The following LY6H variants were observed in gnomAD, a reference collection of about 807,000 sequenced individuals.
The protein encoded by LY6H is lymphocyte antigen 6H.
LY6H carries 8 observed loss-of-function variants against 14.6 expected under a neutral mutation model. The ratio of observed to expected loss-of-function variants is 0.55; its 90% CI spans 0.32 to 0.99. The LOEUF (loss-of-function observed/expected upper bound fraction) is 0.99, where lower values mean the gene tolerates loss of function less well. Among genes scored for constraint, LY6H ranks in the 50% least tolerant of loss-of-function variants. The pLI, the probability that LY6H is intolerant of heterozygous loss-of-function variation, is 0.04. For synonymous variants in LY6H, 115 were observed against 97.2 expected, an observed-to-expected ratio of 1.18 and a Z score of -1.08; for missense variants, 196 against 219.6, an observed-to-expected ratio of 0.89 and a Z score of 0.68.
At position 143,158,089 on chromosome 8, in the gene LY6H, A is replaced by G. The variant is rs1815491036; in HGVS notation, c.*161T>C. On this transcript the variant is annotated 3_prime_UTR_variant, in exon 4 of 4. Coordinates refer to ENST00000342752, the MANE Select transcript of LY6H (RefSeq NM_001135655.2). ...GCTGCCTGGGACTCAGAGCTGGCGG[A>G]GAGACAGGGAGGCTTCACGTCGGGG... 2 of 587,492 alleles carry G rather than the reference A, an allele frequency of 3.4e-6. No individual in the cohort carries two copies. The highest frequency in any genetic ancestry group is 6.0e-6 in the Non-Finnish European group (2 of 332,028). 36.4% of individuals were successfully genotyped at this position (587,492 alleles called of 1,614,324 possible).
chr8:143,158,979 C>T lies in LY6H; in HGVS notation c.131-57G>A, dbSNP rs1191521977. 3 of 1,572,348 alleles carry T rather than the reference C, an allele frequency of 1.9e-6. No homozygotes were observed. In the Admixed American group the frequency reaches 5.5e-5, roughly 29 times the overall value. ...AGGCACTGGGGTCCAAACCAGGCAG[C>T]CCCCTGCGCCCCCCACCCATCCCCC... On this transcript the variant is annotated intron_variant, in intron 2 of 3. Transcript: ENST00000342752.
chr8:143,159,670 G>A lies in LY6H; in HGVS notation c.42C>T (p.Ala14=), dbSNP rs1815548860. The change falls in exon 2 of 4, where the codon GCC becomes GCT. Residue 14 remains alanine, a synonymous_variant. Transcript: ENST00000342752. The part of the protein sequence containing the change: ...PQRTRAPSPR[A]APRPTRSMLP... ...GCATGCTCCGGGTGGGCCTGGGGGC[G>A]GCGCGGGGGCTTGGGGCGCGGGTCC... 7.1e-7 allele frequency: 1 copy of A among 1,400,516 alleles called. No homozygotes were observed. Among genetic ancestry groups the A allele is most frequent in the Non-Finnish European group, 9.2e-7 (1 of 1,088,556 alleles). The allele number at this position is 1,400,516 out of a possible 1,614,324, so 86.8% of individuals were successfully genotyped here. A position where few individuals can be genotyped will look rare whatever the true frequency, so the allele number is the denominator to read the frequency against.
At chr8:143,159,248 C>T (rs1815532784) in intron 2 of LY6H, 1 of 556,800 alleles carries the variant, frequency 1.8e-6, no homozygotes, top group East Asian at 3.0e-5. Context: ...TCACATATCC[C>T]CCCCAGAGGT....
Position 143,158,845 on chromosome 8 carries a change from C to G in LY6H, c.208G>C (p.Asp70His). 6 of 1,608,068 alleles carry G rather than the reference C, an allele frequency of 3.7e-6. No homozygotes were observed. The highest frequency in any genetic ancestry group is 5.1e-6 in the Non-Finnish European group (6 of 1,175,708). Residue 70 changes from aspartate (D) to histidine (H), a missense_variant, in exon 3 of 4, where the codon GAC becomes CAC. Transcript: ENST00000342752. ...ATTCGGACACTGGCACACACCGTGT[C>G]GGACGGCTGGCACTGCTTTGGGGTG... ...HCTPKQCQPS[D>H]TVCASVRITD... is the part of the protein sequence containing the mutation.
At chr8:143,159,891 T>A in intron 1 of LY6H, 182 bp from the exon 2 acceptor site, 2 of 1,147,350 alleles carry the variant, frequency 1.7e-6, no homozygotes, top group Non-Finnish European at 2.2e-6. Context: ...GTCTGGCCTC[T>A]GGGGCGAGGT....
At chr8:143,158,762 G>A in intron 3 of LY6H, 41 bp downstream of exon 3, 1 of 1,553,932 alleles carries the variant, frequency 6.4e-7, no homozygotes, top group South Asian at 1.2e-5. Context: ...TCAAGAGCCT[G>A]GCTTTTAGCA....
In LY6H at chr8:143,158,909, C is replaced by T; in HGVS notation, c.144G>A (p.Trp48Ter). Residue 48 changes from tryptophan to a stop codon, truncating the protein, a stop_gained, in exon 3 of 4, where the codon TGG becomes TGA. Transcript: ENST00000342752. LOFTEE classifies it high-confidence loss of function. ...TGGTGGTCAGGGTGCAGTCCTGGCA[C>T]CACAGGCCATGAGCTGGGCAGGGCA... ...LLCSAPAHGLWCQDCTLTTNS... is the reference protein window; with the variant it reads ...LLCSAPAHGL The T allele has an allele frequency of 6.2e-7, 1 of 1,613,820 alleles. No homozygotes were observed. Among genetic ancestry groups the T allele is most frequent in the Non-Finnish European group, 8.5e-7 (1 of 1,179,980 alleles).
chr8:143,160,388 G>A (rs1352888185), upstream of LY6H: 3 of 187,870 alleles, frequency 1.6e-5, no homozygotes, highest in African/African-American at 7.2e-5. Flanking sequence ...GGGCGGCTGG[G>A]AGACGCGCGG....
intron 2 of LY6H, 125 bp from the exon 3 acceptor site, chr8:143,159,047 G>T: frequency 2.2e-6 from 3 of 1,351,946 alleles, no homozygotes; most frequent in Non-Finnish European, 2.0e-6. Flanking sequence ...ACGGGAGGGA[G>T]CAGGCCCCCA....
rs1321288027 is a variant in LY6H at position 143,159,565 on chromosome 8, G to A, written c.130+17C>T. 2.7e-6 allele frequency: 4 copies of A among 1,494,420 alleles called. No homozygotes were observed. Among genetic ancestry groups the A allele is most frequent in the African/African-American group, 2.9e-5 (2 of 68,442 alleles). The allele number at this position is 1,494,420 out of a possible 1,614,324, so 92.6% of individuals were successfully genotyped here. On this transcript the variant is annotated intron_variant, in intron 2 of 3. Coordinates refer to ENST00000342752, the MANE Select transcript of LY6H (RefSeq NM_001135655.2). ...CTCTCCCAGGCACCTGACCCAGCCC[G>A]CGGGCCCCCTACTCACCGGGCGCCG...
chr8:143,158,544 C>T (rs952552827), intron 3 of LY6H, 59 bp from the exon 4 acceptor site: 4 of 1,465,128 alleles, frequency 2.7e-6, no homozygotes, highest in East Asian at 4.5e-5. Flanking sequence ...TCTGCCTCAT[C>T]CCGAGGACCC....
chr8:143,159,456 A>C, intron 2 of LY6H, 126 bp downstream of exon 2: 1 of 1,154,562 alleles, frequency 8.7e-7, no homozygotes, highest in South Asian at 1.8e-5. Context: ...GGGGTCCCGG[A>C]GGGGGCGTGG....
At chr8:143,159,480 T>G (rs1815539501) in intron 2 of LY6H, 102 bp downstream of exon 2, 1 of 1,327,106 alleles carries the variant, frequency 7.5e-7, no homozygotes, top group Admixed American at 3.3e-5. Flanking sequence ...CTATGCGAAG[T>G]GCGGTGGGAA....
chr8:143,160,241 C>T lies in LY6H; in HGVS notation c.-42G>A, dbSNP rs377102879. 7.8e-7 allele frequency: 1 copy of T among 1,278,150 alleles called. No individual in the cohort carries two copies. Among genetic ancestry groups the T allele is most frequent in the African/African-American group, 1.5e-5 (1 of 65,918 alleles). The allele number at this position is 1,278,150 out of a possible 1,614,324, so 79.2% of individuals were successfully genotyped here. A position where few individuals can be genotyped will look rare whatever the true frequency, so the allele number is the denominator to read the frequency against. Reference sequence around the variant, plus strand: ...CTCCGGGCTCGGGCGGCGTGCGCGGCGCGGGGAGCTGTGCCCTTCGGTCTC... The same window carrying T: ...CTCCGGGCTCGGGCGGCGTGCGCGGTGCGGGGAGCTGTGCCCTTCGGTCTC... On this transcript the variant is annotated 5_prime_UTR_variant, in exon 1 of 4. Transcript: ENST00000342752.
At chr8:143,159,433 G>A in intron 2 of LY6H, 149 bp downstream of exon 2, 1 of 899,286 alleles carries the variant, frequency 1.1e-6, no homozygotes, top group Non-Finnish European at 1.6e-6. Flanking sequence ...CCGAGGGCCG[G>A]GCTGGGGTCG....
intron 1 of LY6H, 167 bp downstream of exon 1, chr8:143,160,031 A>G (rs1027071906): frequency 8.9e-7 from 1 of 1,128,808 alleles, no homozygotes; most frequent in Non-Finnish European, 1.1e-6. Context: ...AGCGGGTGGG[A>G]CCTGCCACTG....
intron 2 of LY6H, 63 bp downstream of exon 2, chr8:143,159,519 G>A: frequency 1.4e-6 from 2 of 1,429,888 alleles, no homozygotes; most frequent in Admixed American, 2.9e-5. Flanking sequence ...CCCACACCCG[G>A]CTCTCCCGCG....
Position 143,158,923 on chromosome 8 carries a change from C to A in LY6H, c.131-1G>T. The A allele has an allele frequency of 6.2e-7, 1 of 1,613,634 alleles. No individual in the cohort carries two copies. The highest frequency in any genetic ancestry group is 8.5e-7 in the Non-Finnish European group (1 of 1,179,916). On this transcript the variant is annotated splice_acceptor_variant, in intron 2 of 3. Transcript: ENST00000342752. LOFTEE classifies it high-confidence loss of function. ...CAGTCCTGGCACCACAGGCCATGAGCTGGGCAGGGCATGGGGAGGAGGGTG... is the reference window on the plus strand; with the variant it reads ...CAGTCCTGGCACCACAGGCCATGAGATGGGCAGGGCATGGGGAGGAGGGTG...
chr8:143,159,188 G>T (rs1815530788), intron 2 of LY6H: 2 of 593,868 alleles, frequency 3.4e-6, no homozygotes, highest in Admixed American at 2.9e-5. Context: ...ACACACACGG[G>T]CTATACAGAC....
Sources: gnomAD v4.1 joint callset for allele counts on GRCh38, gnomAD v4.1.1 for gene constraint, MANE v1.5 for transcripts, NCBI Gene and HGNC (gene_info 2026-07-23, HGNC 2026-07-21) for gene names.